MGAM2: variants seen among roughly 807,000 people sequenced by gnomAD.
MGAM2 encodes maltase-glucoamylase 2 (putative), also known as probable maltase-glucoamylase 2.
A neutral mutation model predicts 96.1 loss-of-function variants in MGAM2; 98 were observed. The observed-to-expected ratio is 1.02, with a 90% CI of 0.87 to 1.21. The LOEUF (loss-of-function observed/expected upper bound fraction) is 1.21. Among genes scored for constraint, MGAM2 ranks in the 50% most tolerant of loss-of-function variants. The probability of loss-of-function intolerance (pLI) is 0.00; values close to 1 mark genes in which losing one functional copy is unlikely to be tolerated. For missense variants in MGAM2, 2,055 were observed against 1,182.4 expected, an observed-to-expected ratio of 1.74 and a Z score of -10.82; for synonymous variants, 749 against 414.8, an observed-to-expected ratio of 1.81 and a Z score of -9.79.
rs1307006436 is a variant in MGAM2, at chr7:142,165,195, C to T, written c.2652+172C>T. 7.9e-5 allele frequency among the ~76,000 whole-genome samples: 12 copies of T among 152,290 alleles called. No individual in the cohort carries two copies. The South Asian group carries it at 2.1e-3, about 26-fold the overall frequency. On this transcript the variant is annotated intron_variant, in intron 24 of 47. Coordinates refer to ENST00000477922, the MANE Select transcript of MGAM2 (RefSeq NM_001293626.2). ...GTGTGCATGCTAAAGAAAGACCTCT[C>T]TGCTTTGTTTGTATCAGGGCTCTGA...
Position 142,197,512 on chromosome 7 carries a change from T to C in MGAM2, c.4745T>C (p.Val1582Ala). The C allele has an allele frequency of 1.4e-6, 1 of 703,164 alleles. No individual in the cohort carries two copies. The highest frequency in any genetic ancestry group is 2.6e-6 in the Non-Finnish European group (1 of 385,046). The allele number at this position is 703,164 out of a possible 1,614,324, so 43.6% of individuals were successfully genotyped here. A position where few individuals can be genotyped will look rare whatever the true frequency, so the allele number is the denominator to read the frequency against. The change falls in exon 41 of 48, where the codon GTT (valine) becomes GCT (alanine). Residue 1582 changes from valine (V) to alanine (A), a missense_variant. Physicochemically the swap from Val to Ala is moderately conservative, Grantham distance 64. Coordinates refer to ENST00000477922, the MANE Select transcript of MGAM2 (RefSeq NM_001293626.2). ...TATACTCTGATGCATAAAGCTCACG[T>C]TGAGGGCAGCACAGTTGTCCGGCCC... The part of the protein sequence containing the change: ...YLYTLMHKAH[V>A]EGSTVVRPLL...
intron 42 of MGAM2, among the ~76,000 whole-genome samples, 183 bp downstream of exon 42, chr7:142,197,911 A>G (rs1585209354): frequency 6.6e-6 from 1 of 152,148 alleles, no homozygotes; most frequent in Admixed American, 6.5e-5. Context: ...AAGCTTTACT[A>G]CACTGACTGA....
intron 17 of MGAM2, among the ~76,000 whole-genome samples, chr7:142,156,863 C>A (rs1459986828): frequency 6.6e-6 from 1 of 152,200 alleles, no homozygotes; most frequent in Non-Finnish European, 1.5e-5. Context: ...TCTTTCACAT[C>A]TTCCAAATTA....
At chr7:142,114,964 C>T (rs1817336971) in intron 1 of MGAM2, among the ~76,000 whole-genome samples, 1 of 151,992 alleles carries the variant, frequency 6.6e-6, no homozygotes, top group Non-Finnish European at 1.5e-5. Flanking sequence ...TGCTGTAATC[C>T]CAGCACTTTG....
At position 142,154,761 on chromosome 7, in the gene MGAM2, T is replaced by C; in HGVS notation, c.1839T>C (p.Asn613=). ...VGANICGYNN[N]VTEELCRRWM... The stretch of plus-strand genomic sequence containing the variant: ...CCAACATCTGTGGTTATAACAACAA[T>C]GTCACAGAGGAGCTCTGCAGAAGGT... Residue 613 remains asparagine (N), a synonymous_variant, in exon 17 of 48, where the codon AAT becomes AAC. Coordinates refer to ENST00000477922, the MANE Select transcript of MGAM2 (RefSeq NM_001293626.2). The C allele has an allele frequency of 1.4e-6, 1 of 703,348 alleles. No homozygotes were observed. 43.6% of individuals were successfully genotyped at this position (703,348 alleles called of 1,614,324 possible).
rs1795900907 is a variant in MGAM2 at position 142,161,948 on chromosome 7, T to G, written c.2435-7T>G. ...CATAGTAACCGGTACTCCTCTTTCT[T>G]TTTTAGATGCTGTGACTGAAAAGAA... On this transcript the variant is annotated splice_region_variant and splice_polypyrimidine_tract_variant and intron_variant, in intron 22 of 47. Transcript: ENST00000477922. 2 of 693,946 alleles carry G rather than the reference T, an allele frequency of 2.9e-6. No homozygotes were observed. Among genetic ancestry groups the G allele is most frequent in the South Asian group, 3.1e-5 (2 of 65,398 alleles). 43.0% of individuals were successfully genotyped at this position (693,946 alleles called of 1,614,324 possible). A position where few individuals can be genotyped will look rare whatever the true frequency, so the allele number is the denominator to read the frequency against.
At chr7:142,177,745 C>T (rs114700686) in intron 32 of MGAM2, among the ~76,000 whole-genome samples, 2,703 of 152,136 alleles carry the variant, frequency 0.018, 102 homozygotes, top group African/African-American at 0.062. Context: ...ATATATGTAC[C>T]ATATTTTCTT....
intron 8 of MGAM2, 139 bp downstream of exon 8, chr7:142,136,779 C>G (rs1398590639): frequency 1.9e-6 from 1 of 533,202 alleles, no homozygotes; most frequent in Non-Finnish European, 3.3e-6. Context: ...AAACTGGAAC[C>G]TGAAAGTAGG....
chr7:142,132,071 C>A lies in MGAM2; in HGVS notation c.561C>A (p.Ser187Arg). The A allele has an allele frequency of 1.4e-6, 1 of 702,628 alleles. No individual in the cohort carries two copies. Among genetic ancestry groups the A allele is most frequent in the South Asian group, 1.5e-5 (1 of 67,458 alleles). 43.5% of individuals were successfully genotyped at this position (702,628 alleles called of 1,614,324 possible). Residue 187 changes from serine (S) to arginine (R), a missense_variant, in exon 6 of 48, where the codon AGC (serine) becomes AGA (arginine). By Grantham distance (110) the Ser-to-Arg change is moderately radical (BLOSUM62 -1). Transcript: ENST00000477922. Reference sequence around the variant, plus strand: ...TCAGCATCAAAATAATGAGGACAAGCAACAGAAGAGTCTTGTGAGCTTTTC... The same window carrying A: ...TCAGCATCAAAATAATGAGGACAAGAAACAGAAGAGTCTTGTGAGCTTTTC... ...KPFSIKIMRT[S>R]NRRVLLDTSI... is the part of the protein sequence containing the mutation.
rs1795204541 is a variant in MGAM2 at position 142,140,915 on chromosome 7, G to A, written c.1200G>A (p.Gln400=). ...DFVKELHDNG[Q]KYLIIMNPGI... is the part of the protein sequence containing the mutation. ...TCAAGGAGTTACATGACAATGGACA[G>A]AAATATCTTATTATTATGGTATGTT... is the stretch of plus-strand genomic sequence containing the variant. The change falls in exon 11 of 48, where the codon CAG becomes CAA. Residue 400 remains glutamine, a synonymous_variant. Transcript: ENST00000477922. The A allele has an allele frequency of 1.4e-6, 1 of 702,688 alleles. No individual in the cohort carries two copies. Among genetic ancestry groups the A allele is most frequent in the African/African-American group, 1.7e-5 (1 of 57,250 alleles). 43.5% of individuals were successfully genotyped at this position (702,688 alleles called of 1,614,324 possible). A position where few individuals can be genotyped will look rare whatever the true frequency, so the allele number is the denominator to read the frequency against.
At chr7:142,159,182 ATC>A in intron 19 of MGAM2, 103 bp from the exon 20 acceptor site, 1 of 647,758 alleles carries the variant, frequency 1.5e-6, no homozygotes, top group African/African-American at 1.8e-5. Flanking sequence ...GATCTCAACC[ATC>A]TCTCAGGATT....
rs144373251 is a variant in MGAM2, at chr7:142,119,959, T to A, written c.107-343T>A. Among the ~76,000 whole-genome samples, 254 of 152,314 alleles carry A rather than the reference T, an allele frequency of 1.7e-3. 4 individuals are homozygous for A. The South Asian group carries it at 0.033, about 20-fold the overall frequency. ...GTTATTTCTTTTTGGAGTGATGAAA[T>A]CGTTCTGGAATTCGACAGCGGTCAC... On this transcript the variant is annotated intron_variant, in intron 2 of 47. Transcript: ENST00000477922.
intron 26 of MGAM2, among the ~76,000 whole-genome samples, chr7:142,169,461 T>C (rs946143129): frequency 6.6e-6 from 1 of 152,032 alleles, no homozygotes; most frequent in Non-Finnish European, 1.5e-5. Context: ...AACCTTCACC[T>C]AAGCACAAAT....
chr7:142,152,992 CTTTT>C (rs10559271), intron 15 of MGAM2, among the ~76,000 whole-genome samples: 2 of 117,104 alleles, frequency 1.7e-5, no homozygotes, highest in Non-Finnish European at 1.8e-5. Context: ...GCTTTTATTC[CTTTT>C]TTTTTTTTTT....
chr7:142,213,853 A>T (rs1797667928), intron 46 of MGAM2, among the ~76,000 whole-genome samples: 1 of 152,216 alleles, frequency 6.6e-6, no homozygotes, highest in South Asian at 2.1e-4. Context: ...CCTGGCAGAG[A>T]CACAATAAAA....
chr7:142,205,110 C>G (rs1038692162), intron 45 of MGAM2, among the ~76,000 whole-genome samples: 1 of 152,126 alleles, frequency 6.6e-6, no homozygotes, highest in Non-Finnish European at 1.5e-5. Flanking sequence ...ATTAGACAGT[C>G]AACACTTTGG....
intron 12 of MGAM2, 147 bp from the exon 13 acceptor site, chr7:142,143,622 T>A (rs968296439): frequency 2.7e-5 from 12 of 440,514 alleles, no homozygotes; most frequent in African/African-American, 2.4e-4. Flanking sequence ...CTTGTATGCA[T>A]TTTATTGTTT....
At chr7:142,146,855 G>A (rs1203004951) in intron 14 of MGAM2, among the ~76,000 whole-genome samples, 1 of 151,766 alleles carries the variant, frequency 6.6e-6, no homozygotes, top group Non-Finnish European at 1.5e-5. Flanking sequence ...AGCCTCCCAA[G>A]TAGCTGGGAC....
At chr7:142,126,795 T>G (rs374414526) in intron 3 of MGAM2, among the ~76,000 whole-genome samples, 2 of 152,150 alleles carry the variant, frequency 1.3e-5, no homozygotes, top group East Asian at 3.8e-4. Context: ...AAAGAAACCC[T>G]TAGATTGATT....
Sources: allele counts gnomAD v4.1 joint callset (sites outside exome capture counted in the v4.1 genomes callset), GRCh38; gene constraint gnomAD v4.1.1; transcripts MANE v1.5; gene names NCBI Gene and HGNC (gene_info 2026-07-23, HGNC 2026-07-21).